Variants in MFSD6 observed in about 807,000 individuals in gnomAD.
The protein encoded by MFSD6 is major facilitator superfamily domain containing 6.
Under a neutral mutation model 56.3 loss-of-function variants are expected in MFSD6, and 26 were observed. That is an observed-to-expected ratio of 0.46 (90% CI 0.34 to 0.64). The LOEUF is 0.64. Among genes scored for constraint, MFSD6 ranks in the 30% least tolerant of loss-of-function variants. The probability of loss-of-function intolerance (pLI) is 0.01; values close to 1 mark genes in which losing one functional copy is unlikely to be tolerated. For synonymous variants in MFSD6, 331 were observed against 366.9 expected, an observed-to-expected ratio of 0.90 and a Z score of 1.12; for missense variants, 750 against 986.2, an observed-to-expected ratio of 0.76 and a Z score of 3.21.
In MFSD6 at chr2:190,436,176, T is replaced by C. The variant is rs748536419; in HGVS notation, c.147T>C (p.Ile49=). The C allele has an allele frequency of 6.2e-7, 1 of 1,614,172 alleles. No homozygotes were observed. The highest frequency in any genetic ancestry group is 2.2e-5 in the East Asian group (1 of 44,890). Residue 49 remains isoleucine (I), a synonymous_variant, in exon 3 of 8, where the codon ATT becomes ATC. Coordinates refer to ENST00000392328, the MANE Select transcript of MFSD6 (RefSeq NM_017694.4). The surrounding 1 kb of genome is among the most constrained non-coding windows in gnomAD (Gnocchi z 5.3). ...CTTCCTCCACAGAAACATCTGCTAT[T>C]CCTGAGGAGGAAATAGACTGGATAG... The part of the protein sequence containing the change: ...ETPSSTETSA[I]PEEEIDWIEK...
intron 3 of MFSD6, among the ~76,000 whole-genome samples, chr2:190,450,604 C>T (rs1441730456): frequency 4.6e-5 from 7 of 151,064 alleles, no homozygotes; most frequent in African/African-American, 1.5e-4. Flanking sequence ...ATGATACCCC[C>T]ACCCCAGCCT....
At chr2:190,427,217 G>C (rs1403098666) in intron 2 of MFSD6, among the ~76,000 whole-genome samples, 1 of 152,214 alleles carries the variant, frequency 6.6e-6, no homozygotes, top group Non-Finnish European at 1.5e-5. Context: ...TGATACTGTG[G>C]CCTCATTACT....
intron 3 of MFSD6, among the ~76,000 whole-genome samples, chr2:190,444,047 C>T (rs997303456): frequency 5.3e-5 from 8 of 151,830 alleles, no homozygotes; most frequent in African/African-American, 1.9e-4. Context: ...AGAGCAAGAC[C>T]CTGTTTCAAA....
Position 190,425,580 on chromosome 2 carries a change from G to A in MFSD6, c.-54+10167G>A, listed in dbSNP as rs1442547815. On this transcript the variant is annotated intron_variant, in intron 2 of 7. Transcript: ENST00000392328. This position sits in a 1 kb window ranked among gnomAD's most constrained non-coding sequence, Gnocchi z 4.3. The stretch of plus-strand genomic sequence containing the variant: ...CTTTTTCAAATGTTTATTTTATCAA[G>A]TGTTTTTCTGCATTGATTGGTAAGC... Among the ~76,000 whole-genome samples, 1 of 152,066 alleles carries A rather than the reference G, an allele frequency of 6.6e-6. No homozygotes were observed. Among genetic ancestry groups the A allele is most frequent in the African/African-American group, 2.4e-5 (1 of 41,400 alleles).
chr2:190,420,284 G>A (rs1382436132), intron 2 of MFSD6, among the ~76,000 whole-genome samples: 1 of 151,870 alleles, frequency 6.6e-6, no homozygotes, highest in Non-Finnish European at 1.5e-5. Context: ...ACATCAAGGT[G>A]CAAGTAAACT....
intron 3 of MFSD6, among the ~76,000 whole-genome samples, chr2:190,441,785 G>A (rs1381085406): frequency 6.6e-6 from 1 of 152,036 alleles, no homozygotes; most frequent in South Asian, 2.1e-4. Context: ...CACCCACTGT[G>A]GGTGGCCCTG....
At chr2:190,440,808 T>C (rs2125061020) in intron 3 of MFSD6, among the ~76,000 whole-genome samples, 1 of 152,326 alleles carries the variant, frequency 6.6e-6, no homozygotes, top group South Asian at 2.1e-4. Flanking sequence ...TACTTAATAT[T>C]AGCAAAATAT....
At chr2:190,455,219 TTTA>T (rs1244571339) in intron 3 of MFSD6, among the ~76,000 whole-genome samples, 4 of 152,122 alleles carry the variant, frequency 2.6e-5, no homozygotes, top group African/African-American at 4.8e-5. Flanking sequence ...TTTATTGCTA[TTTA>T]TTAAGTTACT....
At chr2:190,420,234 C>A (rs1346913210) in intron 2 of MFSD6, among the ~76,000 whole-genome samples, 1 of 151,742 alleles carries the variant, frequency 6.6e-6, no homozygotes, top group Non-Finnish European at 1.5e-5. Flanking sequence ...TTGCTTGAAC[C>A]ACAGTTTATT....
chr2:190,409,690 G>C (rs1180727493), intron 1 of MFSD6, among the ~76,000 whole-genome samples: 1 of 152,202 alleles, frequency 6.6e-6, no homozygotes, highest in Non-Finnish European at 1.5e-5. Context: ...ATGTGTACTT[G>C]GTAGGTCCTT....
intron 4 of MFSD6, among the ~76,000 whole-genome samples, chr2:190,470,571 G>A (rs1256861811): frequency 1.3e-5 from 2 of 152,168 alleles, no homozygotes; most frequent in East Asian, 1.9e-4. Context: ...GGACAAGATC[G>A]CTGGAGTTGA....
chr2:190,424,710 A>AT lies in MFSD6; in HGVS notation c.-54+9305dup, dbSNP rs1407755348. Among the ~76,000 whole-genome samples the AT allele has an allele frequency of 6.6e-6, 1 of 151,648 alleles. No individual in the cohort carries two copies. Among genetic ancestry groups the AT allele is most frequent in the African/African-American group, 2.4e-5 (1 of 41,262 alleles). ...TGAAAGGTTACCTTTCCACCATTGA[A>AT]TTTTTTTTGCATCTTTGTTAAAAAA... On this transcript the variant is annotated intron_variant, in intron 2 of 7. Coordinates refer to ENST00000392328, the MANE Select transcript of MFSD6 (RefSeq NM_017694.4). This position sits in a 1 kb window ranked among gnomAD's most constrained non-coding sequence, Gnocchi z 5.9.
Position 190,461,010 on chromosome 2 carries a change from A to C in MFSD6, c.1533-8748A>C, listed in dbSNP as rs2125116822. 6.6e-6 allele frequency among the ~76,000 whole-genome samples: 1 copy of C among 152,342 alleles called. No homozygotes were observed. Among genetic ancestry groups the C allele is most frequent in the Admixed American group, 6.5e-5 (1 of 15,298 alleles). ...CAGAACACCATTTCTTTGTCCAGGA[A>C]GAAAATGATTATGGCAACACTATTT... On this transcript the variant is annotated intron_variant, in intron 3 of 7. Coordinates refer to ENST00000392328, the MANE Select transcript of MFSD6 (RefSeq NM_017694.4). This position sits in a 1 kb window ranked among gnomAD's most constrained non-coding sequence, Gnocchi z 5.5.
chr2:190,486,834 G>A (rs1483901715), intron 4 of MFSD6, among the ~76,000 whole-genome samples: 1 of 152,182 alleles, frequency 6.6e-6, no homozygotes, highest in Non-Finnish European at 1.5e-5. Flanking sequence ...ATCTCGTCTA[G>A]CTATAAAACC....
Position 190,424,332 on chromosome 2 carries a change from GTTAT to G in MFSD6, c.-54+8930_-54+8933del, listed in dbSNP as rs561703690. 4.1e-4 allele frequency among the ~76,000 whole-genome samples: 62 copies of G among 151,052 alleles called. No individual in the cohort carries two copies. The highest frequency in any genetic ancestry group is 1.4e-3 in the African/African-American group (58 of 41,136). ...TATAAGGTATAAGACTTAGTTTGAG[GTTAT>G]TTATTTATTTTTTTTTCAGACAGAG... On this transcript the variant is annotated intron_variant, in intron 2 of 7. Coordinates refer to ENST00000392328, the MANE Select transcript of MFSD6 (RefSeq NM_017694.4). The surrounding 1 kb of genome is among the most constrained non-coding windows in gnomAD (Gnocchi z 5.9).
At chr2:190,460,805 G>A (rs1260280438) in intron 3 of MFSD6, among the ~76,000 whole-genome samples, 1 of 152,190 alleles carries the variant, frequency 6.6e-6, no homozygotes, top group Admixed American at 6.5e-5. Context: ...TCATCCCTGC[G>A]AGTGGGAGGA....
Position 190,454,901 on chromosome 2 carries a change from TTTTCTGTATGTATATGTGTTCCTGG to T in MFSD6, c.1533-14839_1533-14815del, listed in dbSNP as rs1686933421. Among the ~76,000 whole-genome samples the T allele has an allele frequency of 6.6e-6, 1 of 150,952 alleles. No individual in the cohort carries two copies. The highest frequency in any genetic ancestry group is 6.6e-5 in the Admixed American group (1 of 15,064). On this transcript the variant is annotated intron_variant, in intron 3 of 7. Transcript: ENST00000392328. This position sits in a 1 kb window ranked among gnomAD's most constrained non-coding sequence, Gnocchi z 4.6. ...GAGTCCGGCAACGGCAAACTTGTAT[TTTTCTGTATGTATATGTGTTCCTGG>T]TTTCTGTATGTATATGTATATGTAT...
rs1690872408 is a variant in MFSD6, at chr2:190,418,294, T to C, written c.-54+2881T>C. ...ATACATGCTAGGTTCATAGCAAGTG[T>C]TACTTAAGTGTTATTGTATTGTAGT... is the stretch of plus-strand genomic sequence containing the variant. On this transcript the variant is annotated intron_variant, in intron 2 of 7. Coordinates refer to ENST00000392328, the MANE Select transcript of MFSD6 (RefSeq NM_017694.4). This position sits in a 1 kb window ranked among gnomAD's most constrained non-coding sequence, Gnocchi z 4.1. 6.6e-6 allele frequency among the ~76,000 whole-genome samples: 1 copy of C among 152,192 alleles called. No homozygotes were observed. The highest frequency in any genetic ancestry group is 1.5e-5 in the Non-Finnish European group (1 of 68,016).
intron 2 of MFSD6, among the ~76,000 whole-genome samples, chr2:190,419,468 G>T (rs2124993983): frequency 6.6e-6 from 1 of 152,362 alleles, no homozygotes; most frequent in South Asian, 2.1e-4. Context: ...GCAACACTGA[G>T]TTATGATGGC....
Sources: gnomAD v4.1 joint callset for allele counts (sites outside exome capture counted in the v4.1 genomes callset) on GRCh38, gnomAD v4.1.1 for gene constraint, Gnocchi (gnomAD v3.1) non-coding constraint, MANE v1.5 for transcripts, NCBI Gene and HGNC (gene_info 2026-07-23, HGNC 2026-07-21) for gene names.